SRPK1: variants seen among roughly 807,000 people sequenced by gnomAD.
The protein encoded by SRPK1 is SRSF protein kinase 1.
Under a neutral mutation model 89.5 loss-of-function variants are expected in SRPK1, and 52 were observed. That is an observed-to-expected ratio of 0.58 (90% confidence interval 0.46 to 0.73). SRPK1 has a LOEUF of 0.73. SRPK1 is among the 30% of genes least tolerant of loss of function. The pLI is 0.00. For missense variants in SRPK1, 603 were observed against 780.6 expected, an observed-to-expected ratio of 0.77 and a Z score of 2.71; for synonymous variants, 255 against 270.2, an observed-to-expected ratio of 0.94 and a Z score of 0.55.
At chr6:35,884,177 C>T (rs1263245395) in intron 6 of SRPK1, among the ~76,000 whole-genome samples, 1 of 151,756 alleles carries the variant, frequency 6.6e-6, no homozygotes, top group Non-Finnish European at 1.5e-5. Flanking sequence ...AGACAGAATA[C>T]AGCATGAAAA....
intron 12 of SRPK1, among the ~76,000 whole-genome samples, chr6:35,868,622 AAGG>A (rs1284638877): frequency 3.3e-5 from 5 of 152,240 alleles, no homozygotes; most frequent in Non-Finnish European, 5.9e-5. Flanking sequence ...AGTGAATTAA[AAGG>A]AGGTTACAAT....
chr6:35,843,784 G>T (rs1395808970), intron 13 of SRPK1, among the ~76,000 whole-genome samples: 1 of 151,998 alleles, frequency 6.6e-6, no homozygotes, highest in Non-Finnish European at 1.5e-5. Context: ...AAGATTAAGT[G>T]TAAAGGGAGT....
intron 2 of SRPK1, among the ~76,000 whole-genome samples, chr6:35,905,707 T>C (rs1180525900): frequency 6.6e-6 from 1 of 152,180 alleles, no homozygotes; most frequent in African/African-American, 2.4e-5. Context: ...GTGCTGGAAT[T>C]GTAATTCTAA....
At chr6:35,870,027 A>G in intron 10 of SRPK1, 126 bp from the exon 11 acceptor site, 1 of 1,142,640 alleles carries the variant, frequency 8.8e-7, no homozygotes, top group Admixed American at 2.7e-5. Context: ...ATGACTAAAC[A>G]TCTAAAACCT....
At chr6:35,835,723 G>C (rs1293587686) in intron 15 of SRPK1, among the ~76,000 whole-genome samples, 1 of 152,014 alleles carries the variant, frequency 6.6e-6, no homozygotes, top group Non-Finnish European at 1.5e-5. Context: ...CCCTATTCTA[G>C]GATTTTTTTG....
chr6:35,921,062 G>C lies in SRPK1; in HGVS notation c.-6C>G, dbSNP rs754457771. ...CGCTCACCTTTCCGCTCCATGGTGA[G>C]ACCGGTAATCGCCAGGCGCCTGCGC... On this transcript the variant is annotated 5_prime_UTR_variant, in exon 1 of 16. Coordinates refer to ENST00000373825, the MANE Select transcript of SRPK1 (RefSeq NM_003137.5). The C allele has an allele frequency of 4.6e-5, 71 of 1,533,250 alleles. 2 individuals carry two copies. The highest frequency in any genetic ancestry group is 4.3e-4 in the South Asian group (35 of 81,954). 95.0% of individuals were successfully genotyped at this position (1,533,250 alleles called of 1,614,324 possible). A position where few individuals can be genotyped will look rare whatever the true frequency, so the allele number is the denominator to read the frequency against.
intron 2 of SRPK1, among the ~76,000 whole-genome samples, chr6:35,910,594 T>C (rs377126577): frequency 3.3e-5 from 5 of 152,236 alleles, no homozygotes; most frequent in East Asian, 1.9e-4. Flanking sequence ...CAGCAGATTT[T>C]AGGTGTAGAC....
chr6:35,908,000 C>T (rs768090230), intron 2 of SRPK1, among the ~76,000 whole-genome samples: 1 of 152,186 alleles, frequency 6.6e-6, no homozygotes, highest in East Asian at 1.9e-4. Flanking sequence ...AAGGTGCCTG[C>T]TTCCCCTTCA....
intron 2 of SRPK1, among the ~76,000 whole-genome samples, chr6:35,897,894 G>A (rs1052997042): frequency 2.0e-5 from 3 of 152,182 alleles, no homozygotes; most frequent in Admixed American, 2.0e-4. Context: ...GAGGTGGGTT[G>A]AATAGATTTA....
chr6:35,885,338 C>T (rs551702393), intron 6 of SRPK1, among the ~76,000 whole-genome samples: 3 of 144,820 alleles, frequency 2.1e-5, no homozygotes, highest in African/African-American at 5.2e-5. Flanking sequence ...GAGCCATCTA[C>T]AAAGTGACCA....
At chr6:35,897,750 G>A (rs1281517023) in intron 2 of SRPK1, among the ~76,000 whole-genome samples, 1 of 152,144 alleles carries the variant, frequency 6.6e-6, no homozygotes. Context: ...GGGCCCAAGT[G>A]ATTCTCCAGT....
intron 4 of SRPK1, 33 bp from the exon 5 acceptor site, chr6:35,888,144 T>C (rs775745347): frequency 4.6e-5 from 65 of 1,423,458 alleles, no homozygotes; most frequent in Non-Finnish European, 6.0e-5. Context: ...TAAGACTACA[T>C]AGCCTACCCT....
At chr6:35,901,724 A>G (rs1561993663) in intron 2 of SRPK1, among the ~76,000 whole-genome samples, 1 of 152,194 alleles carries the variant, frequency 6.6e-6, no homozygotes, top group Non-Finnish European at 1.5e-5. Context: ...TAGCACCTAC[A>G]CACAATGGAA....
rs1770445765 is a variant in SRPK1 at position 35,888,013 on chromosome 6, C to CT, written c.390+10dup. ...AATTCTTCACATTCATACATATAATCTAATACTCACTGACTTCAGCAACCG... is the reference window on the plus strand; with the variant it reads ...AATTCTTCACATTCATACATATAATCTTAATACTCACTGACTTCAGCAACCG... On this transcript the variant is annotated intron_variant, in intron 5 of 15. Transcript: ENST00000373825. 4 of 1,583,496 alleles carry CT rather than the reference C, an allele frequency of 2.5e-6. No individual in the cohort carries two copies. Among genetic ancestry groups the CT allele is most frequent in the Non-Finnish European group, 3.4e-6 (4 of 1,163,958 alleles).
chr6:35,895,322 G>A (rs1770606933), intron 2 of SRPK1, among the ~76,000 whole-genome samples: 1 of 152,090 alleles, frequency 6.6e-6, no homozygotes, highest in South Asian at 2.1e-4. Context: ...ACACTGTAAA[G>A]ACAGAATTTA....
rs976377940 is a variant in SRPK1, at chr6:35,853,213, T to C, written c.1620+4048A>G. 4.1e-4 allele frequency among the ~76,000 whole-genome samples: 62 copies of C among 151,932 alleles called. 1 individual carries two copies. The highest frequency in any genetic ancestry group is 3.4e-3 in the Middle Eastern group (1 of 294). On this transcript the variant is annotated intron_variant, in intron 13 of 15. Transcript: ENST00000373825. ...TTGAACCCAGGAGTTTGGGGTTATATTGAGTTATGATCACACCACTGCACT... is the reference window on the plus strand; with the variant it reads ...TTGAACCCAGGAGTTTGGGGTTATACTGAGTTATGATCACACCACTGCACT...
At chr6:35,870,198 T>C in intron 10 of SRPK1, 83 bp downstream of exon 10, 1 of 1,224,484 alleles carries the variant, frequency 8.2e-7, no homozygotes. Context: ...GTGTTGTATG[T>C]ATGAAACCAC....
intron 2 of SRPK1, chr6:35,904,898 G>A (rs1216537568): frequency 2.5e-6 from 1 of 393,088 alleles, no homozygotes. Context: ...TAGTAATTTG[G>A]GAGGCCAAGG....
At chr6:35,882,173 CAGA>C (rs1319620251) in intron 6 of SRPK1, among the ~76,000 whole-genome samples, 18 of 146,454 alleles carry the variant, frequency 1.2e-4, no homozygotes, top group African/African-American at 3.8e-4. Context: ...GCAGCAGCAG[CAGA>C]AGAAGAAGAA....
Sources: gnomAD v4.1 joint callset for allele counts (sites outside exome capture counted in the v4.1 genomes callset) on GRCh38, gnomAD v4.1.1 for gene constraint, MANE v1.5 for transcripts, NCBI Gene and HGNC (gene_info 2026-07-23, HGNC 2026-07-21) for gene names.